CEP170: variants seen among roughly 807,000 people sequenced by gnomAD.
CEP170 encodes the protein centrosomal protein 170.
CEP170 carries 21 observed loss-of-function variants against 151.9 expected under a neutral mutation model. The observed-to-expected ratio is 0.14, with a 90% CI of 0.10 to 0.20. The LOEUF (loss-of-function observed/expected upper bound fraction) is 0.20, where lower values mean the gene tolerates loss of function less well. CEP170 is among the 10% of genes least tolerant of loss of function. The pLI, the probability that CEP170 is intolerant of heterozygous loss-of-function variation, is 1.00. For missense variants in CEP170, 964 were observed against 1,892.9 expected, an observed-to-expected ratio of 0.51 and a Z score of 9.11; for synonymous variants, 356 against 648.8, an observed-to-expected ratio of 0.55 and a Z score of 6.86.
intron 1 of CEP170, among the ~76,000 whole-genome samples, chr1:243,233,741 AATATATATAT>A (rs1303987181): frequency 2.1e-5 from 3 of 140,412 alleles, no homozygotes; most frequent in African/African-American, 7.9e-5. Context: ...TCAAAAAAAA[AATATATATAT>A]ATATATATAT....
At chr1:243,180,436 C>T (rs184483687) in intron 10 of CEP170, among the ~76,000 whole-genome samples, 10 of 152,158 alleles carry the variant, frequency 6.6e-5, no homozygotes, top group Non-Finnish European at 1.3e-4. Flanking sequence ...AAAGTAAGCT[C>T]TCCTGGTAGA....
At chr1:243,153,514 GC>G (rs1204091516) in intron 14 of CEP170, among the ~76,000 whole-genome samples, 2 of 152,326 alleles carry the variant, frequency 1.3e-5, no homozygotes, top group Admixed American at 1.3e-4. Flanking sequence ...AGTCATCCCA[GC>G]CTTCAGCAAC....
At chr1:243,158,739 A>C (rs796080860) in intron 13 of CEP170, among the ~76,000 whole-genome samples, 5 of 152,214 alleles carry the variant, frequency 3.3e-5, no homozygotes, top group African/African-American at 1.2e-4. Context: ...AGAAGTCAGT[A>C]AGAATAGTAA....
chr1:243,212,695 T>TCG (rs1212495401), intron 3 of CEP170, among the ~76,000 whole-genome samples: 1 of 151,078 alleles, frequency 6.6e-6, no homozygotes, highest in Non-Finnish European at 1.5e-5. Flanking sequence ...TTCTTCTCTC[T>TCG]CTCTCTCTTT....
chr1:243,232,751 C>T (rs1315369092), intron 1 of CEP170, among the ~76,000 whole-genome samples: 1 of 152,130 alleles, frequency 6.6e-6, no homozygotes, highest in Admixed American at 6.6e-5. Flanking sequence ...GATGCCATGA[C>T]AGAGATAAAC....
Position 243,215,174 on chromosome 1 carries a change from G to A in CEP170, c.196-3210C>T, listed in dbSNP as rs372105137. ...TGCCTGTCTTTAATCTCTTAATCCC[G>A]TCATCTTCGTAAGCTGAGGATGTAT... On this transcript the variant is annotated intron_variant, in intron 3 of 19. Transcript: ENST00000366542. Among the ~76,000 whole-genome samples the A allele has an allele frequency of 1.5e-4, 23 of 152,166 alleles. No homozygotes were observed. In the East Asian group the frequency reaches 2.1e-3, roughly 14 times the overall value.
intron 14 of CEP170, among the ~76,000 whole-genome samples, chr1:243,155,607 T>C (rs1032031556): frequency 5.3e-5 from 8 of 152,164 alleles, no homozygotes; most frequent in African/African-American, 9.7e-5. Flanking sequence ...AGTTCAGCCA[T>C]AGTAAGTTAT....
At chr1:243,212,658 T>TA (rs2061915209) in intron 3 of CEP170, among the ~76,000 whole-genome samples, 1 of 150,338 alleles carries the variant, frequency 6.7e-6, no homozygotes, top group Admixed American at 6.7e-5. Flanking sequence ...AAAAATATTG[T>TA]AAGCCACATT....
intron 14 of CEP170, among the ~76,000 whole-genome samples, chr1:243,144,907 A>G (rs186371051): frequency 6.6e-6 from 1 of 152,324 alleles, no homozygotes; most frequent in East Asian, 1.9e-4. Flanking sequence ...CCCAAGTGTC[A>G]GAACCACTGA....
chr1:243,233,480 T>C (rs1284995056), intron 1 of CEP170, among the ~76,000 whole-genome samples: 2 of 152,044 alleles, frequency 1.3e-5, no homozygotes, highest in Non-Finnish European at 2.9e-5. Context: ...ACGCCTGTAA[T>C]CCCAGCACTT....
chr1:243,232,779 C>A (rs1297929490), intron 1 of CEP170, among the ~76,000 whole-genome samples: 1 of 145,158 alleles, frequency 6.9e-6, no homozygotes, highest in Admixed American at 6.7e-5. Context: ...GTTACTAGAA[C>A]AACAGGAGGT....
chr1:243,137,699 T>G (rs1023819012), intron 16 of CEP170, among the ~76,000 whole-genome samples: 2 of 150,788 alleles, frequency 1.3e-5, no homozygotes, highest in African/African-American at 4.9e-5. Context: ...TGCTTGAACC[T>G]GGGAGGCAGA....
At position 243,125,946 on chromosome 1, in the gene CEP170, T is replaced by C; in HGVS notation, c.*503A>G. On this transcript the variant is annotated 3_prime_UTR_variant, in exon 20 of 20. Transcript: ENST00000366542. ...CTGTTGTGAAAGGTCTGCTTTACTG[T>C]GGAGAGTACTTATGTCATTGTGTCC... 2.9e-6 allele frequency: 1 copy of C among 343,774 alleles called. No homozygotes were observed. The highest frequency in any genetic ancestry group is 5.7e-6 in the Non-Finnish European group (1 of 175,168). 21.3% of individuals were successfully genotyped at this position (343,774 alleles called of 1,614,324 possible).
intron 1 of CEP170, among the ~76,000 whole-genome samples, chr1:243,242,280 G>A (rs764575704): frequency 3.9e-5 from 6 of 152,072 alleles, no homozygotes; most frequent in South Asian, 2.1e-4. Flanking sequence ...GTGCAGTGGC[G>A]TGATCTCTGC....
intron 7 of CEP170, among the ~76,000 whole-genome samples, chr1:243,198,585 T>C (rs944521167): frequency 1.1e-4 from 16 of 152,128 alleles, no homozygotes; most frequent in African/African-American, 3.9e-4. Flanking sequence ...AGTGGGAAGA[T>C]GGCTTGAGTC....
intron 4 of CEP170, among the ~76,000 whole-genome samples, chr1:243,204,856 C>T (rs1193654631): frequency 5.9e-5 from 9 of 152,118 alleles, no homozygotes; most frequent in Admixed American, 5.9e-4. Context: ...CCCAAATCAA[C>T]TTCTCAATCT....
intron 10 of CEP170, among the ~76,000 whole-genome samples, chr1:243,183,057 T>C (rs1353670557): frequency 6.6e-6 from 1 of 152,018 alleles, no homozygotes; most frequent in African/African-American, 2.4e-5. Context: ...TTGGAAGCTA[T>C]TGGTAGCTTT....
intron 13 of CEP170, among the ~76,000 whole-genome samples, chr1:243,160,853 C>T (rs1174444350): frequency 6.6e-6 from 1 of 152,046 alleles, no homozygotes; most frequent in Non-Finnish European, 1.5e-5. Context: ...TAAAAAGGGA[C>T]TGCAAACAGT....
At chr1:243,192,026 T>C (rs952792903) in intron 7 of CEP170, among the ~76,000 whole-genome samples, 9 of 152,208 alleles carry the variant, frequency 5.9e-5, no homozygotes, top group African/African-American at 2.2e-4. Context: ...ATGATTCCAC[T>C]TACCATTCTT....
Sources: allele counts gnomAD v4.1 joint callset (sites outside exome capture counted in the v4.1 genomes callset), GRCh38; gene constraint gnomAD v4.1.1; transcripts MANE v1.5; gene names NCBI Gene and HGNC (gene_info 2026-07-23, HGNC 2026-07-21).